CDK13: variants seen among roughly 807,000 people sequenced by gnomAD.
CDK13 encodes the protein cyclin dependent kinase 13, also known as cyclin-dependent kinase 13.
CDK13 carries 40 observed loss-of-function variants against 137.6 expected under a neutral mutation model. That is an observed-to-expected ratio of 0.29 (90% confidence interval 0.23 to 0.38). CDK13 has a LOEUF of 0.38. Among genes scored for constraint, CDK13 ranks in the 10% least tolerant of loss-of-function variants. CDK13 has a pLI of 1.00. For synonymous variants in CDK13, 869 were observed against 760.1 expected (o/e 1.14, Z -2.36); for missense variants, 1,704 against 1,951.8 (o/e 0.87, Z 2.39).
intron 2 of CDK13, among the ~76,000 whole-genome samples, chr7:39,989,086 C>A (rs1448046149): frequency 1.5e-4 from 7 of 46,690 alleles, no homozygotes; most frequent in African/African-American, 1.9e-4. Context: ...CGTGTCTCAC[C>A]AAAAAAAAAA....
At chr7:39,997,795 C>T (rs188611427) in intron 3 of CDK13, 131 bp downstream of exon 3, 1 of 663,312 alleles carries the variant, frequency 1.5e-6, no homozygotes, top group Admixed American at 3.6e-5. Flanking sequence ...TATATGAATT[C>T]TATTAGAGTT....
chr7:40,047,909 A>G (rs779818349), intron 7 of CDK13, 32 bp downstream of exon 7: 23 of 1,393,006 alleles, frequency 1.7e-5, no homozygotes, highest in Non-Finnish European at 2.3e-5. Flanking sequence ...TATTGTAGAT[A>G]CTAGAGTTTA....
At chr7:40,065,968 C>G (rs950648043) in intron 9 of CDK13, among the ~76,000 whole-genome samples, 1 of 152,086 alleles carries the variant, frequency 6.6e-6, no homozygotes, top group East Asian at 1.9e-4. Flanking sequence ...CAGGATCACT[C>G]GAGCCCAGGA....
chr7:40,053,801 T>C lies in CDK13; in HGVS notation c.2600+5924T>C, dbSNP rs555246221. Among the ~76,000 whole-genome samples the C allele has an allele frequency of 8.5e-5, 13 of 152,068 alleles. No homozygotes were observed. In the South Asian group the frequency reaches 2.7e-3, roughly 32 times the overall value. ...AAGAAGGGAAAAGGAAAGAACAAACTTAACTAACGTTTGTGTACATCACTT... is the reference window on the plus strand; with the variant it reads ...AAGAAGGGAAAAGGAAAGAACAAACCTAACTAACGTTTGTGTACATCACTT... On this transcript the variant is annotated intron_variant, in intron 7 of 13. Transcript: ENST00000181839.
At chr7:40,058,255 T>G (rs181433708) in intron 7 of CDK13, among the ~76,000 whole-genome samples, 87 of 152,276 alleles carry the variant, frequency 5.7e-4, no homozygotes, top group Non-Finnish European at 1.5e-4. Flanking sequence ...GGAGGTAAGA[T>G]CCTTGCTGTA....
intron 5 of CDK13, among the ~76,000 whole-genome samples, chr7:40,007,006 G>A (rs770238292): frequency 2.6e-5 from 4 of 152,126 alleles, no homozygotes; most frequent in Non-Finnish European, 5.9e-5. Context: ...ACTACACAGA[G>A]GGGTAGAATC....
At position 39,950,607 on chromosome 7, in the gene CDK13, G is replaced by A. The variant is rs2116044681; in HGVS notation, c.-35G>A. ...CCAGGATCTGACCCGGGAGGAGGCC[G>A]CACCCGCGCCGCGCTCTGCGGCTGG... On this transcript the variant is annotated 5_prime_UTR_variant, in exon 1 of 14. Coordinates refer to ENST00000181839, the MANE Select transcript of CDK13 (RefSeq NM_003718.5). 2.3e-6 allele frequency: 3 copies of A among 1,288,984 alleles called. No individual in the cohort carries two copies. Among genetic ancestry groups the A allele is most frequent in the South Asian group, 2.3e-5 (1 of 42,892 alleles). The allele number at this position is 1,288,984 out of a possible 1,614,324, so 79.8% of individuals were successfully genotyped here. A position where few individuals can be genotyped will look rare whatever the true frequency, so the allele number is the denominator to read the frequency against.
chr7:39,952,179 T>G, intron 1 of CDK13: 1 of 243,594 alleles, frequency 4.1e-6, no homozygotes, highest in Non-Finnish European at 7.8e-6. Flanking sequence ...TGGTACAATT[T>G]GGGTAAACCT....
chr7:40,037,922 CA>C (rs1299220423), intron 5 of CDK13, among the ~76,000 whole-genome samples: 2 of 152,152 alleles, frequency 1.3e-5, no homozygotes, highest in Non-Finnish European at 2.9e-5. Flanking sequence ...CTATTGTAGA[CA>C]GTTTATGCAA....
intron 5 of CDK13, among the ~76,000 whole-genome samples, chr7:40,044,265 C>G (rs913282105): frequency 6.6e-6 from 1 of 150,584 alleles, no homozygotes; most frequent in South Asian, 2.1e-4. Context: ...ATTGTGAAGT[C>G]ATTTAAATTT....
chr7:39,989,086 CAAAAAAAAA>C lies in CDK13; in HGVS notation c.1871+845_1871+853del, dbSNP rs1213730855. ...GTGACACAGTAAGACCGTGTCTCAC[CAAAAAAAAA>C]AAAAAAAAAAAAAAAAGAGAAAATT... is the stretch of plus-strand genomic sequence containing the variant. On this transcript the variant is annotated intron_variant, in intron 2 of 13. Coordinates refer to ENST00000181839, the MANE Select transcript of CDK13 (RefSeq NM_003718.5). 1.5e-4 allele frequency among the ~76,000 whole-genome samples: 7 copies of C among 46,686 alleles called. 1 individual carries two copies. Among genetic ancestry groups the C allele is most frequent in the Admixed American group, 1.3e-3 (4 of 2,996 alleles). The allele number at this position is 46,686 out of a possible 152,430, so 30.6% of individuals were successfully genotyped here.
intron 1 of CDK13, among the ~76,000 whole-genome samples, chr7:39,961,712 T>C (rs1426906395): frequency 6.6e-6 from 1 of 152,084 alleles, no homozygotes; most frequent in African/African-American, 2.4e-5. Context: ...TGTATACATG[T>C]GCCATGTTGG....
At chr7:39,995,031 G>A (rs1158827817) in intron 2 of CDK13, among the ~76,000 whole-genome samples, 1 of 151,398 alleles carries the variant, frequency 6.6e-6, no homozygotes, top group Admixed American at 6.6e-5. Flanking sequence ...CTTTTCATTC[G>A]TTCAGATCTA....
intron 5 of CDK13, among the ~76,000 whole-genome samples, chr7:40,010,953 G>A (rs1347996112): frequency 2.0e-5 from 3 of 152,022 alleles, no homozygotes; most frequent in Non-Finnish European, 4.4e-5. Context: ...GATAAAAGAA[G>A]TGCAAGACAT....
intron 5 of CDK13, among the ~76,000 whole-genome samples, chr7:40,042,930 A>G (rs1038638425): frequency 6.6e-6 from 1 of 151,848 alleles, no homozygotes; most frequent in Non-Finnish European, 1.5e-5. Context: ...GGTGTGCACT[A>G]CCACACCTGG....
At chr7:40,001,739 A>T in intron 4 of CDK13, 122 bp from the exon 5 acceptor site, 1 of 734,134 alleles carries the variant, frequency 1.4e-6, no homozygotes, top group Non-Finnish European at 2.4e-6. Context: ...AAACTGAAAC[A>T]TACTTTGTGG....
intron 1 of CDK13, among the ~76,000 whole-genome samples, chr7:39,982,047 G>A (rs1784237423): frequency 6.8e-6 from 1 of 147,470 alleles, no homozygotes; most frequent in Admixed American, 6.8e-5. Flanking sequence ...TAAGTTTTAG[G>A]GGACATGTGC....
At chr7:40,038,201 T>A (rs879326842) in intron 5 of CDK13, among the ~76,000 whole-genome samples, 3 of 152,154 alleles carry the variant, frequency 2.0e-5, no homozygotes, top group Non-Finnish European at 4.4e-5. Context: ...ATTCCTTTTT[T>A]TATATATAAA....
At chr7:40,022,736 G>T (rs1785154248) in intron 5 of CDK13, among the ~76,000 whole-genome samples, 1 of 151,156 alleles carries the variant, frequency 6.6e-6, no homozygotes, top group Non-Finnish European at 1.5e-5. Flanking sequence ...CATCGATACT[G>T]TATGACTTGG....
Sources: gnomAD v4.1 joint callset for allele counts (sites outside exome capture counted in the v4.1 genomes callset) on GRCh38, gnomAD v4.1.1 for gene constraint, MANE v1.5 for transcripts, NCBI Gene and HGNC (gene_info 2026-07-23, HGNC 2026-07-21) for gene names.